The following UBE2E2 variants were observed in gnomAD, a reference collection of about 807,000 sequenced individuals.
The protein encoded by UBE2E2 is ubiquitin-conjugating enzyme E2 E2.
In UBE2E2, 6 loss-of-function variants were observed where a neutral mutation model predicts 24.7. The observed-to-expected ratio is 0.24, with a 90% CI of 0.13 to 0.48. The LOEUF (loss-of-function observed/expected upper bound fraction) is 0.48. UBE2E2 is among the 20% of genes least tolerant of loss of function. The pLI, the probability that UBE2E2 is intolerant of heterozygous loss-of-function variation, is 0.99. For missense variants in UBE2E2, 169 were observed against 245.0 expected (o/e 0.69, Z 2.07); for synonymous variants, 104 against 83.6 (o/e 1.24, Z -1.33).
At position 23,524,606 on chromosome 3, in the gene UBE2E2, A is replaced by AC. The variant is rs747369137; in HGVS notation, c.361-7947dup. ...CACAATACAACTCATGGATCATGGA[A>AC]CTAGAATAAGCCTTAGAAATAATCT... On this transcript the variant is annotated intron_variant, in intron 4 of 5. Coordinates refer to ENST00000396703, the MANE Select transcript of UBE2E2 (RefSeq NM_152653.4). 6.6e-4 allele frequency among the ~76,000 whole-genome samples: 101 copies of AC among 152,322 alleles called. 1 individual carries two copies. Among genetic ancestry groups the AC allele is most frequent in the Non-Finnish European group, 1.3e-3 (89 of 68,028 alleles).
At chr3:23,446,394 T>G (rs1048519439) in intron 3 of UBE2E2, among the ~76,000 whole-genome samples, 8 of 152,220 alleles carry the variant, frequency 5.3e-5, no homozygotes, top group African/African-American at 1.9e-4. Context: ...TAGGGTACTT[T>G]CCATTTTGTG....
In UBE2E2 at chr3:23,590,182, G is replaced by T. The variant is rs765557882; in HGVS notation, c.*351G>T. 1.4e-4 allele frequency: 28 copies of T among 194,088 alleles called. No homozygotes were observed. The highest frequency in any genetic ancestry group is 2.1e-4 in the Non-Finnish European group (20 of 95,816). The allele number at this position is 194,088 out of a possible 1,614,324, so 12.0% of individuals were successfully genotyped here. A position where few individuals can be genotyped will look rare whatever the true frequency, so the allele number is the denominator to read the frequency against. The stretch of plus-strand genomic sequence containing the variant: ...TTACAAAGCTTTGTATTACTGTGTG[G>T]TTTTGTTTTTTTTGTTGTTGTTTAT... On this transcript the variant is annotated 3_prime_UTR_variant, in exon 6 of 6. Transcript: ENST00000396703.
chr3:23,263,424 A>T (rs2125355844), intron 3 of UBE2E2, among the ~76,000 whole-genome samples: 1 of 152,324 alleles, frequency 6.6e-6, no homozygotes, highest in East Asian at 1.9e-4. Context: ...TTCTGCCTAT[A>T]ATATTGATTT....
chr3:23,503,172 T>G (rs1694323308), intron 4 of UBE2E2, among the ~76,000 whole-genome samples: 1 of 145,930 alleles, frequency 6.9e-6, no homozygotes, highest in African/African-American at 2.6e-5. Flanking sequence ...GTCATTTGGT[T>G]GGTTGGTTTT....
At chr3:23,369,346 C>T (rs1383213439) in intron 3 of UBE2E2, among the ~76,000 whole-genome samples, 1 of 152,066 alleles carries the variant, frequency 6.6e-6, no homozygotes, top group East Asian at 1.9e-4. Context: ...TACTGTTTGT[C>T]CTCTAACATG....
intron 3 of UBE2E2, among the ~76,000 whole-genome samples, chr3:23,354,912 A>G (rs1203374894): frequency 2.6e-5 from 4 of 152,170 alleles, no homozygotes; most frequent in Non-Finnish European, 5.9e-5. Flanking sequence ...TCATGCTGCT[A>G]TAAAGACACA....
intron 3 of UBE2E2, among the ~76,000 whole-genome samples, chr3:23,355,747 A>G (rs1695926530): frequency 6.6e-6 from 1 of 152,236 alleles, no homozygotes; most frequent in Non-Finnish European, 1.5e-5. Context: ...TAAAACCTGT[A>G]TTGCATGAGC....
chr3:23,256,325 T>TA (rs1697719989), intron 3 of UBE2E2, among the ~76,000 whole-genome samples: 1 of 152,216 alleles, frequency 6.6e-6, no homozygotes, highest in South Asian at 2.1e-4. Flanking sequence ...TACATCTAAG[T>TA]AAAATATTGT....
chr3:23,415,701 T>C (rs1301152332), intron 3 of UBE2E2, among the ~76,000 whole-genome samples: 1 of 152,212 alleles, frequency 6.6e-6, no homozygotes, highest in African/African-American at 2.4e-5. Context: ...GTAGGTCATA[T>C]CAGTAAATAA....
At chr3:23,354,906 G>C (rs1695895045) in intron 3 of UBE2E2, among the ~76,000 whole-genome samples, 2 of 152,084 alleles carry the variant, frequency 1.3e-5, no homozygotes, top group South Asian at 4.1e-4. Context: ...TATAAATCAT[G>C]CTGCTATAAA....
intron 3 of UBE2E2, among the ~76,000 whole-genome samples, chr3:23,440,970 G>C (rs1192020370): frequency 6.6e-6 from 1 of 152,058 alleles, no homozygotes; most frequent in Non-Finnish European, 1.5e-5. Flanking sequence ...CAGGAAACTT[G>C]AAACACCTAG....
chr3:23,232,193 G>C (rs1405558852), intron 3 of UBE2E2, among the ~76,000 whole-genome samples: 1 of 152,164 alleles, frequency 6.6e-6, no homozygotes, highest in Non-Finnish European at 1.5e-5. Context: ...AGCTGCCTAA[G>C]GGCTGCCAGC....
At chr3:23,369,978 A>C (rs998204722) in intron 3 of UBE2E2, among the ~76,000 whole-genome samples, 1 of 152,150 alleles carries the variant, frequency 6.6e-6, no homozygotes, top group African/African-American at 2.4e-5. Context: ...CCCCCTTTAG[A>C]TACTAATATC....
At chr3:23,247,772 AC>A (rs974762067) in intron 3 of UBE2E2, among the ~76,000 whole-genome samples, 5 of 152,084 alleles carry the variant, frequency 3.3e-5, no homozygotes, top group African/African-American at 1.2e-4. Context: ...CTGCCACTCT[AC>A]CCCAGAAATT....
At chr3:23,519,207 A>G (rs556192213) in intron 4 of UBE2E2, among the ~76,000 whole-genome samples, 2 of 151,998 alleles carry the variant, frequency 1.3e-5, no homozygotes, top group East Asian at 1.9e-4. Context: ...TCAAATAGAA[A>G]TAACTAGCTT....
intron 3 of UBE2E2, among the ~76,000 whole-genome samples, chr3:23,286,420 T>C (rs1698615992): frequency 6.6e-6 from 1 of 152,144 alleles, no homozygotes; most frequent in Admixed American, 6.5e-5. Flanking sequence ...CTTTCTTCAG[T>C]GTATGTTCTT....
At chr3:23,535,809 G>C (rs751789176) in intron 5 of UBE2E2, among the ~76,000 whole-genome samples, 3 of 151,822 alleles carry the variant, frequency 2.0e-5, no homozygotes, top group Non-Finnish European at 4.4e-5. Context: ...TTTTAGTAGA[G>C]ACAAGGCTTC....
intron 3 of UBE2E2, among the ~76,000 whole-genome samples, chr3:23,289,350 T>C (rs1180085313): frequency 2.0e-5 from 3 of 152,238 alleles, no homozygotes; most frequent in Admixed American, 1.3e-4. Flanking sequence ...TACTTTAAAG[T>C]TGAGAAAACC....
At chr3:23,430,968 A>T (rs1698046828) in intron 3 of UBE2E2, among the ~76,000 whole-genome samples, 1 of 152,210 alleles carries the variant, frequency 6.6e-6, no homozygotes, top group Non-Finnish European at 1.5e-5. Context: ...AGTGAATCAT[A>T]ACAAATATGA....
Sources: allele counts gnomAD v4.1 joint callset (sites outside exome capture counted in the v4.1 genomes callset), GRCh38; gene constraint gnomAD v4.1.1; transcripts MANE v1.5; gene names NCBI Gene and HGNC (gene_info 2026-07-23, HGNC 2026-07-21).